Variants in ADAMTS16 observed in about 807,000 individuals in gnomAD.
ADAMTS16 encodes the protein A disintegrin and metalloproteinase with thrombospondin motifs 16.
ADAMTS16 carries 94 observed loss-of-function variants against 145.8 expected under a neutral mutation model. That is an observed-to-expected ratio of 0.64 (90% CI 0.55 to 0.77). The LOEUF (loss-of-function observed/expected upper bound fraction) is 0.77. Ranked by LOEUF, ADAMTS16 falls within the 30% of genes least tolerant of loss-of-function variation. The pLI is 0.00. For missense variants in ADAMTS16, 1,585 were observed against 1,591.5 expected, an observed-to-expected ratio of 1.00 and a Z score of 0.07; for synonymous variants, 659 against 604.3, an observed-to-expected ratio of 1.09 and a Z score of -1.33.
rs777706070 is a variant in ADAMTS16 at position 5,235,129 on chromosome 5, A to G, written c.1966A>G (p.Asn656Asp). 6.3e-7 allele frequency: 1 copy of G among 1,598,120 alleles called. No individual in the cohort carries two copies. Among genetic ancestry groups the G allele is most frequent in the Non-Finnish European group, 8.6e-7 (1 of 1,166,952 alleles). ...DFRAAQCAEH[N>D]SRRFRGRHYK... ...CCGTGCTGCTCAGTGTGCCGAGCAC[A>G]ACAGCAGACGATTCAGAGGGCGGCA... Residue 656 changes from asparagine (N) to aspartate (D), a missense_variant, in exon 13 of 23, where the codon AAC becomes GAC. By Grantham distance (23) the Asn-to-Asp change is conservative (BLOSUM62 1). Around this residue, in one of 3 missense-constraint regions of ADAMTS16, gnomAD observed 834 missense variants for 811.7 expected, o/e 1.03. Coordinates refer to ENST00000274181, the MANE Select transcript of ADAMTS16 (RefSeq NM_139056.4).
At chr5:5,256,725 T>C (rs181113682) in intron 17 of ADAMTS16, among the ~76,000 whole-genome samples, 1 of 152,334 alleles carries the variant, frequency 6.6e-6, no homozygotes, top group East Asian at 1.9e-4. Context: ...TCAATGATCA[T>C]AAAGGCATGA....
At chr5:5,140,582 G>GGACAGCTGGAGGCGAGTCCC in intron 1 of ADAMTS16, 43 bp downstream of exon 1, 1 of 1,509,332 alleles carries the variant, frequency 6.6e-7, no homozygotes, top group Non-Finnish European at 8.8e-7. Flanking sequence ...CCGCGGGTCC[G>GGACAGCTGGAGGCGAGTCCC]GACAGCTGGA....
At chr5:5,232,597 GCT>G in intron 12 of ADAMTS16, 81 bp downstream of exon 12, 149 of 1,247,882 alleles carry the variant, frequency 1.2e-4, no homozygotes, top group Non-Finnish European at 1.5e-4. Context: ...CTGTGTCTCA[GCT>G]CTTTTTTTTT....
chr5:5,152,417 T>G (rs1734497677), intron 3 of ADAMTS16, among the ~76,000 whole-genome samples: 1 of 152,346 alleles, frequency 6.6e-6, no homozygotes, highest in African/African-American at 2.4e-5. Context: ...CTGATAAGCC[T>G]GGAGAGTAGT....
rs79277653 is a variant in ADAMTS16 at position 5,240,045 on chromosome 5, C to T, written c.2523+120C>T. 7,362 of 1,447,156 alleles carry T rather than the reference C, an allele frequency of 5.1e-3. 338 individuals carry two copies. The African/African-American group carries it at 0.094, about 18-fold the overall frequency. 89.6% of individuals were successfully genotyped at this position (1,447,156 alleles called of 1,614,324 possible). A position where few individuals can be genotyped will look rare whatever the true frequency, so the allele number is the denominator to read the frequency against. ...GTAAACAGTTATAAAAAGAGTGATC[C>T]ATCCATAGCCGGAATGAGGCAGCAG... On this transcript the variant is annotated intron_variant, in intron 16 of 22. Coordinates refer to ENST00000274181, the MANE Select transcript of ADAMTS16 (RefSeq NM_139056.4).
intron 3 of ADAMTS16, among the ~76,000 whole-genome samples, chr5:5,174,654 C>T (rs1373527703): frequency 1.3e-5 from 2 of 152,070 alleles, no homozygotes; most frequent in Non-Finnish European, 2.9e-5. Context: ...TATTTTGTCT[C>T]TTCTGACTGT....
chr5:5,146,431 G>A lies in ADAMTS16; in HGVS notation c.477G>A (p.Val159=). ...TGCGATCACACAGAAACTCCTCAGT[G>A]GCCCTTTCAACCTGCCAAGGCTTGG... ...GSLRSHRNSS[V]ALSTCQGLSG... is the part of the protein sequence containing the mutation. The change falls in exon 3 of 23, where the codon GTG becomes GTA. Residue 159 remains valine (V), a synonymous_variant. Transcript: ENST00000274181. 6.2e-7 allele frequency: 1 copy of A among 1,610,314 alleles called. No homozygotes were observed. Among genetic ancestry groups the A allele is most frequent in the Non-Finnish European group, 8.5e-7 (1 of 1,179,580 alleles).
At chr5:5,235,251 A>G in intron 13 of ADAMTS16, 65 bp downstream of exon 13, 1 of 1,409,062 alleles carries the variant, frequency 7.1e-7, no homozygotes, top group Non-Finnish European at 9.4e-7. Context: ...TTAAAGAAGT[A>G]CATGATTGAG....
intron 21 of ADAMTS16, among the ~76,000 whole-genome samples, chr5:5,309,117 C>T (rs780037760): frequency 8.5e-5 from 13 of 152,152 alleles, no homozygotes; most frequent in Non-Finnish European, 1.8e-4. Flanking sequence ...ACCACATATA[C>T]AGTCATCCCT....
chr5:5,294,263 A>G (rs1739443518), intron 18 of ADAMTS16, among the ~76,000 whole-genome samples: 1 of 152,230 alleles, frequency 6.6e-6, no homozygotes, highest in African/African-American at 2.4e-5. Context: ...CCTGGTTGCA[A>G]TCATCTATAA....
intron 9 of ADAMTS16, among the ~76,000 whole-genome samples, chr5:5,206,723 C>A (rs1736134722): frequency 6.6e-6 from 1 of 152,022 alleles, no homozygotes; most frequent in African/African-American, 2.4e-5. Context: ...CTCAACTGAT[C>A]CACCTTCCTC....
intron 18 of ADAMTS16, among the ~76,000 whole-genome samples, chr5:5,291,922 G>GGA (rs575768350): frequency 5.9e-5 from 9 of 152,212 alleles, no homozygotes; most frequent in Admixed American, 3.3e-4. Context: ...TGTGAATTGA[G>GGA]GAGGGTGACG....
intron 13 of ADAMTS16, among the ~76,000 whole-genome samples, chr5:5,236,654 A>G (rs1404588008): frequency 6.6e-6 from 1 of 152,118 alleles, no homozygotes; most frequent in African/African-American, 2.4e-5. Flanking sequence ...AGTTAATGAT[A>G]CTAGTGAAAT....
chr5:5,173,417 C>CT (rs373504065), intron 3 of ADAMTS16, among the ~76,000 whole-genome samples: 23 of 142,268 alleles, frequency 1.6e-4, no homozygotes, highest in East Asian at 4.2e-4. Flanking sequence ...ATCTTTTGTA[C>CT]TTTTTTTTTT....
At position 5,263,489 on chromosome 5, in the gene ADAMTS16, G is replaced by A. The variant is rs76377967; in HGVS notation, c.2789+706G>A. On this transcript the variant is annotated intron_variant, in intron 18 of 22. Coordinates refer to ENST00000274181, the MANE Select transcript of ADAMTS16 (RefSeq NM_139056.4). The stretch of plus-strand genomic sequence containing the variant: ...AGGCAGGATTTTTCTCAGGCTCTTT[G>A]CTGGACTCCCAGCAGGGGTGCCTCT... Among the ~76,000 whole-genome samples, 6 of 152,326 alleles carry A rather than the reference G, an allele frequency of 3.9e-5. 1 individual carries two copies. The East Asian group carries it at 1.2e-3, about 29-fold the overall frequency.
At chr5:5,228,627 C>A (rs1579325535) in intron 11 of ADAMTS16, among the ~76,000 whole-genome samples, 1 of 152,020 alleles carries the variant, frequency 6.6e-6, no homozygotes, top group African/African-American at 2.4e-5. Flanking sequence ...ATAAAAGGAG[C>A]CAGAACTTTT....
intron 21 of ADAMTS16, among the ~76,000 whole-genome samples, chr5:5,314,388 C>T (rs558875859): frequency 1.3e-5 from 2 of 152,284 alleles, no homozygotes; most frequent in South Asian, 4.1e-4. Flanking sequence ...ATTGTCAAGG[C>T]TCCAGGTGAT....
chr5:5,147,968 A>C (rs559788718), intron 3 of ADAMTS16, among the ~76,000 whole-genome samples: 1 of 152,302 alleles, frequency 6.6e-6, no homozygotes, highest in Non-Finnish European at 1.5e-5. Flanking sequence ...CTGTTCCCTG[A>C]ATCGAGGTGG....
At chr5:5,260,622 G>C (rs1281787952) in intron 17 of ADAMTS16, among the ~76,000 whole-genome samples, 1 of 152,198 alleles carries the variant, frequency 6.6e-6, no homozygotes, top group South Asian at 2.1e-4. Context: ...CTCAGGAAAT[G>C]GGTGGTTTGG....
Sources: gnomAD v4.1 joint callset for allele counts (sites outside exome capture counted in the v4.1 genomes callset) on GRCh38, gnomAD v4.1.1 for gene constraint, gnomAD v4.1.1 regional missense constraint, MANE v1.5 for transcripts, NCBI Gene and HGNC (gene_info 2026-07-23, HGNC 2026-07-21) for gene names.